Variants in AFTPH observed in about 807,000 individuals in gnomAD.
AFTPH encodes the protein aftiphilin protein.
Under a neutral mutation model 72.5 loss-of-function variants are expected in AFTPH, and 7 were observed. The ratio of observed to expected loss-of-function variants is 0.10; its 90% confidence interval spans 0.05 to 0.18. The LOEUF is 0.18. Among genes scored for constraint, AFTPH ranks in the 10% least tolerant of loss-of-function variants. The pLI is 1.00. For missense variants in AFTPH, 979 were observed against 1,060.5 expected (o/e 0.92, Z 1.07); for synonymous variants, 337 against 370.1 (o/e 0.91, Z 1.03).
chr2:64,574,062 G>A (rs1443925886), intron 6 of AFTPH, among the ~76,000 whole-genome samples: 1 of 152,046 alleles, frequency 6.6e-6, no homozygotes, highest in Non-Finnish European at 1.5e-5. Flanking sequence ...TTTTTGTTCG[G>A]GTAAAATGGG....
chr2:64,529,709 AG>A (rs1293460753), intron 1 of AFTPH, among the ~76,000 whole-genome samples: 1 of 150,846 alleles, frequency 6.6e-6, no homozygotes, highest in Non-Finnish European at 1.5e-5. Context: ...GGCTCACTGC[AG>A]CACAGACCTC....
chr2:64,545,622 T>G (rs552425036), intron 1 of AFTPH, among the ~76,000 whole-genome samples: 1 of 108,930 alleles, frequency 9.2e-6, no homozygotes, highest in Non-Finnish European at 1.8e-5. Flanking sequence ...AGACCTGACC[T>G]ATTGTTACAG....
intron 1 of AFTPH, among the ~76,000 whole-genome samples, chr2:64,536,284 G>T (rs1249978906): frequency 5.9e-5 from 9 of 152,148 alleles, no homozygotes; most frequent in Admixed American, 2.6e-4. Context: ...ATAGGGAAGC[G>T]GCTGAGCATG....
At chr2:64,524,612 G>C in exon 1 of AFTPH, 1 of 398,300 alleles carries the variant, frequency 2.5e-6, no homozygotes, top group East Asian at 3.6e-5. Flanking sequence ...GAAGGAGCCA[G>C]GTAAGCGCCG....
At chr2:64,552,422 C>G (rs780932733) in exon 2 of AFTPH, 7 of 1,614,026 alleles carry the variant, frequency 4.3e-6, no homozygotes, top group Non-Finnish European at 5.9e-6. Context: ...AAAAACAAGG[C>G]CTTCCAACAC....
chr2:64,545,382 T>C (rs1444323210), intron 1 of AFTPH, among the ~76,000 whole-genome samples: 1 of 151,030 alleles, frequency 6.6e-6, no homozygotes, highest in African/African-American at 2.4e-5. Context: ...AGCATCCTTA[T>C]TATACATACT....
At chr2:64,531,679 C>T (rs1231068161) in intron 1 of AFTPH, among the ~76,000 whole-genome samples, 1 of 152,124 alleles carries the variant, frequency 6.6e-6, no homozygotes, top group Non-Finnish European at 1.5e-5. Flanking sequence ...GATGTGATTT[C>T]AGTGTAAAAT....
chr2:64,557,850 A>G (rs892346230), intron 2 of AFTPH, among the ~76,000 whole-genome samples: 6 of 152,138 alleles, frequency 3.9e-5, no homozygotes, highest in African/African-American at 4.8e-5. Context: ...TCCTTTTGCT[A>G]TTTTTTCCTC....
At chr2:64,526,806 A>C in intron 1 of AFTPH, among the ~76,000 whole-genome samples, 1 of 152,244 alleles carries the variant, frequency 6.6e-6, no homozygotes, top group East Asian at 1.9e-4. Context: ...TGAGCAAGAT[A>C]GTTTTCTAAA....
rs937161737 is a variant in AFTPH, at chr2:64,538,674, CAAATT to C, written c.-32-12765_-32-12761del. ...TCTTAATTGATGGGTGGTAAGAAAACAAATTAAAGTAAAATTAATAGCACCTGGCA... is the reference window on the plus strand; with the variant it reads ...TCTTAATTGATGGGTGGTAAGAAAACAAAGTAAAATTAATAGCACCTGGCA... On this transcript the variant is annotated intron_variant, in intron 1 of 8. Coordinates refer to ENST00000238856, the Ensembl canonical transcript of AFTPH. Among the ~76,000 whole-genome samples the C allele has an allele frequency of 3.9e-5, 6 of 152,168 alleles. No individual in the cohort carries two copies. The East Asian group carries it at 5.8e-4, about 15-fold the overall frequency.
At chr2:64,542,128 T>C (rs1670289583) in intron 1 of AFTPH, among the ~76,000 whole-genome samples, 1 of 152,248 alleles carries the variant, frequency 6.6e-6, no homozygotes, top group Non-Finnish European at 1.5e-5. Flanking sequence ...CTGTAAAGGA[T>C]GGGAGTTTCT....
intron 7 of AFTPH, 33 bp downstream of exon 7, chr2:64,579,579 G>C: frequency 6.3e-6 from 10 of 1,586,752 alleles, no homozygotes; most frequent in Non-Finnish European, 8.6e-6. Flanking sequence ...TAGCACCAGA[G>C]CTAGAGTTAA....
At position 64,524,926 on chromosome 2, in the gene AFTPH, T is replaced by C. The variant is rs58837899; in HGVS notation, c.-33+314T>C. ...CTCTCCCTGCCCCTTTGCTTCCACC[T>C]CCCAAAGCTCCGCGCTGGCTGCGTT... On this transcript the variant is annotated intron_variant, in intron 1 of 8. Coordinates refer to ENST00000238856, the Ensembl canonical transcript of AFTPH. Among the ~76,000 whole-genome samples the C allele has an allele frequency of 7.4e-3, 1,130 of 152,304 alleles. 8 individuals are homozygous for C. The highest frequency in any genetic ancestry group is 0.025 in the African/African-American group (1,047 of 41,572).
intron 1 of AFTPH, among the ~76,000 whole-genome samples, chr2:64,550,677 G>GCA (rs56139158): frequency 0.084 from 10,928 of 129,798 alleles, 473 homozygotes; most frequent in Admixed American, 0.11. Context: ...CTGTACGCAT[G>GCA]CACACACACA....
intron 8 of AFTPH, among the ~76,000 whole-genome samples, chr2:64,589,747 C>T (rs1322486873): frequency 6.6e-6 from 1 of 152,090 alleles, no homozygotes; most frequent in Non-Finnish European, 1.5e-5. Context: ...ATGGGAAAGT[C>T]CATTTAGGTG....
At chr2:64,547,435 G>A (rs1012053609) in intron 1 of AFTPH, among the ~76,000 whole-genome samples, 12 of 152,168 alleles carry the variant, frequency 7.9e-5, no homozygotes, top group African/African-American at 2.7e-4. Context: ...GGTGGTGCAT[G>A]ATTTCAGTGT....
chr2:64,538,323 T>A (rs1019158486), intron 1 of AFTPH, among the ~76,000 whole-genome samples: 2 of 152,146 alleles, frequency 1.3e-5, no homozygotes, highest in African/African-American at 4.8e-5. Flanking sequence ...AGTAAAACTT[T>A]AAACCAAGCA....
chr2:64,540,096 C>A (rs1330402771), intron 1 of AFTPH, among the ~76,000 whole-genome samples: 1 of 152,106 alleles, frequency 6.6e-6, no homozygotes, highest in Admixed American at 6.5e-5. Context: ...TGGATGTAAG[C>A]AAGATTTTAG....
chr2:64,573,782 C>T (rs537020755), intron 6 of AFTPH, among the ~76,000 whole-genome samples: 76 of 152,158 alleles, frequency 5.0e-4, no homozygotes, highest in Non-Finnish European at 9.1e-4. Flanking sequence ...CTCAGCCTCC[C>T]GAGTAGCTGG....
Sources: gnomAD v4.1 joint callset for allele counts (sites outside exome capture counted in the v4.1 genomes callset) on GRCh38, gnomAD v4.1.1 for gene constraint, MANE v1.5 for transcripts, NCBI Gene and HGNC (gene_info 2026-07-23, HGNC 2026-07-21) for gene names.